FGA: variants seen among roughly 807,000 people sequenced by gnomAD.
The protein encoded by FGA is fibrinogen, A alpha polypeptide.
A neutral mutation model predicts 20.3 loss-of-function variants in FGA; 20 were observed. The ratio of observed to expected loss-of-function variants is 0.99; its 90% confidence interval spans 0.69 to 1.43. The LOEUF (loss-of-function observed/expected upper bound fraction) is 1.43. Among genes scored for constraint, FGA ranks in the 40% most tolerant of loss-of-function variants. The pLI is 0.00. For synonymous variants in FGA, 306 were observed against 281.6 expected (o/e 1.09, Z -0.87); for missense variants, 777 against 784.7 (o/e 0.99, Z 0.12).
At chr4:154,583,918 C>T, downstream of FGA, 1 of 583,362 alleles carries the variant, frequency 1.7e-6, no homozygotes, top group Non-Finnish European at 3.0e-6. Flanking sequence ...ACCCACAGAG[C>T]TATTTAAAGA....
In FGA at chr4:154,589,562, T is replaced by C. The variant is rs1192445605; in HGVS notation, c.55A>G (p.Thr19Ala). Residue 19 changes from threonine (T) to alanine (A), a missense_variant and splice_region_variant, in exon 2 of 5, where the codon ACT (threonine) becomes GCT (alanine). Physicochemically the swap from Thr to Ala is moderately conservative, Grantham distance 58. Coordinates refer to ENST00000403106, the MANE Select transcript of FGA (RefSeq NM_021871.4). ...LVLSVVGTAW[T>A]ADSGEGDFLA... The stretch of plus-strand genomic sequence containing the variant: ...AAGTCACCTTCACCACTATCTGCAG[T>C]CTTTAAAGATTCATTCACATACACA... 1.1e-5 allele frequency: 18 copies of C among 1,612,716 alleles called. No homozygotes were observed. Among genetic ancestry groups the C allele is most frequent in the Non-Finnish European group, 1.4e-5 (17 of 1,179,960 alleles).
At chr4:154,584,110 C>T (rs1489836112), downstream of FGA, 1 of 1,596,134 alleles carries the variant, frequency 6.3e-7, no homozygotes, top group Admixed American at 1.7e-5. Context: ...TGCTCCCATT[C>T]CCACTTCTTC....
downstream of FGA, chr4:154,584,170 G>C: frequency 6.2e-7 from 1 of 1,603,266 alleles, no homozygotes; most frequent in Non-Finnish European, 8.5e-7. Context: ...AGCCCTGAGG[G>C]AATAATCTGC....
chr4:154,587,785 AAGAAAGAAAGAAAGAAAG>A lies in FGA; in HGVS notation c.365-146_365-129del, dbSNP rs1315734947. ...AAAGAAAGAAAGAAAGAAAGAAAGA[AAGAAAGAAAGAAAGAAAG>A]AGAAAAAAGAAAGAAAGAAACTAGC... On this transcript the variant is annotated intron_variant, in intron 3 of 4. Coordinates refer to ENST00000403106, the MANE Select transcript of FGA (RefSeq NM_021871.4). 53 of 724,460 alleles carry A rather than the reference AAGAAAGAAAGAAAGAAAG, an allele frequency of 7.3e-5. 1 individual carries two copies. In the African/African-American group the frequency reaches 8.7e-4, roughly 12 times the overall value. The allele number at this position is 724,460 out of a possible 1,614,324, so 44.9% of individuals were successfully genotyped here. A position where few individuals can be genotyped will look rare whatever the true frequency, so the allele number is the denominator to read the frequency against.
Position 154,586,064 on chromosome 4 carries a change from GGTT to G in FGA, c.1362_1364del (p.Thr457del). ...TTTTAGAGCATGAACGACGCGTGGT[GGTT>G]GTGCTACCAGAGGTGACCTTCTCTT... On this transcript the variant is annotated inframe_deletion, in exon 5 of 5. Transcript: ENST00000403106. 1 of 1,614,136 alleles carries G rather than the reference GGTT, an allele frequency of 6.2e-7. No individual in the cohort carries two copies. The highest frequency in any genetic ancestry group is 8.5e-7 in the Non-Finnish European group (1 of 1,180,016).
At chr4:154,584,597 C>T (rs2110806103), downstream of FGA, 1 of 1,614,174 alleles carries the variant, frequency 6.2e-7, no homozygotes, top group Middle Eastern at 1.7e-4. Flanking sequence ...TAGTCATTGC[C>T]TAGCCAGAAT....
Position 154,585,281 on chromosome 4 carries a change from C to T in FGA, c.*213G>A, listed in dbSNP as rs1052922591. On this transcript the variant is annotated 3_prime_UTR_variant, in exon 5 of 5. Coordinates refer to ENST00000403106, the MANE Select transcript of FGA (RefSeq NM_021871.4). Reference sequence around the variant, plus strand: ...AAATAGAGTTTCAGAGGAATTCATTCATCCATTTAACATGTATTTATTGAG... The same window carrying T: ...AAATAGAGTTTCAGAGGAATTCATTTATCCATTTAACATGTATTTATTGAG... 1.8e-5 allele frequency: 24 copies of T among 1,347,640 alleles called. No homozygotes were observed. The African/African-American group carries it at 2.8e-4, about 16-fold the overall frequency. The allele number at this position is 1,347,640 out of a possible 1,614,324, so 83.5% of individuals were successfully genotyped here.
rs1730849279 is a variant in FGA at position 154,590,738 on chromosome 4, G to A, written c.-51C>T. ...TGAGGAGCACTCCAGCTGAAAGAAA[G>A]GATTGCTGCCACTCCTAGTTCCCAT... is the stretch of plus-strand genomic sequence containing the variant. On this transcript the variant is annotated 5_prime_UTR_variant, in exon 1 of 5. Transcript: ENST00000403106. The A allele has an allele frequency of 7.3e-7, 1 of 1,370,010 alleles. No homozygotes were observed. The highest frequency in any genetic ancestry group is 1.0e-6 in the Non-Finnish European group (1 of 981,180). 84.9% of individuals were successfully genotyped at this position (1,370,010 alleles called of 1,614,324 possible).
chr4:154,590,523 C>A, intron 1 of FGA, 111 bp downstream of exon 1: 2 of 945,582 alleles, frequency 2.1e-6, no homozygotes, highest in Non-Finnish European at 3.4e-6. Flanking sequence ...GGCCTGGGGT[C>A]ATAAAGCTAA....
In FGA at chr4:154,586,475, A is replaced by G. The variant is rs1730721664; in HGVS notation, c.954T>C (p.Thr318=). The G allele has an allele frequency of 6.2e-7, 1 of 1,608,976 alleles. No individual in the cohort carries two copies. The highest frequency in any genetic ancestry group is 8.5e-7 in the Non-Finnish European group (1 of 1,176,818). Residue 318 remains threonine (T), a synonymous_variant, in exon 5 of 5, where the codon ACT becomes ACC. Coordinates refer to ENST00000403106, the MANE Select transcript of FGA (RefSeq NM_021871.4). Reference sequence around the variant, plus strand: ...CAGAGCTCCCAGGTTTCCAGGTTGCAGTCCCTCCAGTCCCAGAGCTCCCAG... The same window carrying G: ...CAGAGCTCCCAGGTTTCCAGGTTGCGGTCCCTCCAGTCCCAGAGCTCCCAG... ...RNPGSSGTGG[T]ATWKPGSSGP...
At chr4:154,583,972 T>A, downstream of FGA, 1 of 635,670 alleles carries the variant, frequency 1.6e-6, no homozygotes, top group South Asian at 2.0e-5. Context: ...GACTAATATG[T>A]CTCAGGTACA....
chr4:154,583,237 T>G (rs1174156347), downstream of FGA: 1 of 152,184 alleles, frequency 6.6e-6, no homozygotes, highest in African/African-American at 2.4e-5. Flanking sequence ...AAGATGCAAC[T>G]TAGATCAAAT....
chr4:154,588,641 C>G, intron 3 of FGA, 152 bp downstream of exon 3: 1 of 642,302 alleles, frequency 1.6e-6, no homozygotes, highest in South Asian at 2.0e-5. Context: ...CAAAAGCTCC[C>G]TCTTAAAATT....
chr4:154,586,896 C>T lies in FGA; in HGVS notation c.533G>A (p.Arg178Gln), dbSNP rs754195439. 1.1e-5 allele frequency: 18 copies of T among 1,613,662 alleles called. No homozygotes were observed. The highest frequency in any genetic ancestry group is 2.2e-5 in the East Asian group (1 of 44,888). The change falls in exon 5 of 5, where the codon CGA (arginine) becomes CAA (glutamine). Residue 178 changes from arginine (R) to glutamine (Q), a missense_variant. By Grantham distance (43) the Arg-to-Gln change is conservative. Transcript: ENST00000403106. The part of the protein sequence containing the change: ...RLEVDIDIKI[R>Q]SCRGSCSRAL... The stretch of plus-strand genomic sequence containing the variant: ...CCTACTGCATGACCCTCGACAAGAT[C>T]GGATCTTAATATCAATGTCCACCTA...
downstream of FGA, chr4:154,583,862 C>T (rs971346802): frequency 2.2e-6 from 1 of 446,068 alleles, no homozygotes; most frequent in African/African-American, 2.0e-5. Flanking sequence ...TGCCACTTTC[C>T]TGATGTACTG....
chr4:154,587,752 A>AAAGAAAGAAAG (rs1449829118), intron 3 of FGA, 95 bp from the exon 4 acceptor site: 2 of 358,874 alleles, frequency 5.6e-6, no homozygotes, highest in African/African-American at 5.3e-5. Context: ...AAGGAGAAAG[A>AAAGAAAGAAAG]AAGAAAGAAA....
chr4:154,584,016 C>A, downstream of FGA: 1 of 873,948 alleles, frequency 1.1e-6, no homozygotes, highest in Non-Finnish European at 1.9e-6. Context: ...GAAAATAGCA[C>A]CTAGGAATTT....
Position 154,589,463 on chromosome 4 carries a change from A to G in FGA, c.154T>C (p.Trp52Arg), listed in dbSNP as rs949715586. The G allele has an allele frequency of 5.0e-6, 8 of 1,614,194 alleles. No homozygotes were observed. The highest frequency in any genetic ancestry group is 6.8e-6 in the Non-Finnish European group (8 of 1,180,026). The change falls in exon 2 of 5, where the codon TGG (tryptophan) becomes CGG (arginine). Residue 52 changes from tryptophan to arginine, a missense_variant. Physicochemically the swap from Trp to Arg is moderately radical, Grantham distance 101. Coordinates refer to ENST00000403106, the MANE Select transcript of FGA (RefSeq NM_021871.4). ...RHQSACKDSD[W>R]PFCSDEDWNY... The stretch of plus-strand genomic sequence containing the variant: ...CAGTCTTCATCAGAGCAGAAGGGCC[A>G]GTCTGAATCTTTGCAGGCAGATTGA...
In FGA at chr4:154,586,909, C is replaced by T; in HGVS notation, c.520G>A (p.Asp174Asn). The T allele has an allele frequency of 2.5e-6, 4 of 1,613,618 alleles. No individual in the cohort carries two copies. Among genetic ancestry groups the T allele is most frequent in the Non-Finnish European group, 3.4e-6 (4 of 1,179,918 alleles). The change falls in exon 5 of 5, where the codon GAT becomes AAT. Residue 174 changes from aspartate to asparagine, a missense_variant. Asp to Asn is a conservative substitution (Grantham distance 23). Transcript: ENST00000403106. ...VDMKRLEVDI[D>N]IKIRSCRGSC... ...CCTCGACAAGATCGGATCTTAATAT[C>T]AATGTCCACCTAGAGAGAGGGGAGA...
Sources: gnomAD v4.1 joint callset for allele counts on GRCh38, gnomAD v4.1.1 for gene constraint, MANE v1.5 for transcripts, NCBI Gene and HGNC (gene_info 2026-07-23, HGNC 2026-07-21) for gene names.